Variants in NEAT1 observed in about 807,000 individuals in gnomAD.
NEAT1 encodes the protein MENepsilon/beta.
chr11:65,445,213 AC>A (rs1429219650), exon 1 of NEAT1: 1 of 152,114 alleles, frequency 6.6e-6, no homozygotes, highest in Non-Finnish European at 1.5e-5. Context: ...AAGGGCCAGC[AC>A]CTTCTCACCT....
At chr11:65,431,770 C>T (rs990956466) in exon 1 of NEAT1, 2 of 152,102 alleles carry the variant, frequency 1.3e-5, no homozygotes, top group African/African-American at 4.8e-5. Flanking sequence ...TTAGAGTTAT[C>T]GTTGTTGTTG....
chr11:65,427,955 C>T (rs1856578089), exon 1 of NEAT1: 1 of 152,294 alleles, frequency 6.6e-6, no homozygotes, highest in South Asian at 2.1e-4. Context: ...CTTGTTGATA[C>T]AGGAGCAGAG....
At chr11:65,444,403 C>A (rs1437882851) in exon 1 of NEAT1, 1 of 466,440 alleles carries the variant, frequency 2.1e-6, no homozygotes, top group Non-Finnish European at 4.4e-6. Context: ...CAGCTCTCAC[C>A]CTGGCCTGAC....
At chr11:65,433,592 CTTAAA>C (rs1243659791) in exon 1 of NEAT1, 9 of 152,120 alleles carry the variant, frequency 5.9e-5, no homozygotes, top group African/African-American at 2.2e-4. Flanking sequence ...CTCCTCTCCA[CTTAAA>C]TTAATTATTT....
chr11:65,431,689 A>G (rs1856615130), exon 1 of NEAT1: 1 of 152,138 alleles, frequency 6.6e-6, no homozygotes, highest in African/African-American at 2.4e-5. Flanking sequence ...TCATATGCTT[A>G]CTGGTCATTT....
At chr11:65,433,598 T>G (rs748806271) in exon 1 of NEAT1, 1 of 152,148 alleles carries the variant, frequency 6.6e-6, no homozygotes, top group Non-Finnish European at 1.5e-5. Flanking sequence ...TCCACTTAAA[T>G]TAATTATTTA....
exon 1 of NEAT1, chr11:65,425,600 G>C (rs1454373803): frequency 6.6e-6 from 1 of 152,112 alleles, no homozygotes; most frequent in Non-Finnish European, 1.5e-5. Context: ...GGCTTTTAAC[G>C]TATTTAAGGG....
chr11:65,437,800 A>G (rs910458800), exon 1 of NEAT1: 4 of 152,006 alleles, frequency 2.6e-5, no homozygotes, highest in Admixed American at 6.6e-5. Context: ...ACCCCATCAC[A>G]GAGTACTTTT....
chr11:65,431,551 C>A (rs1456349076), exon 1 of NEAT1: 6 of 152,156 alleles, frequency 3.9e-5, no homozygotes, highest in African/African-American at 1.2e-4. Flanking sequence ...CCGAGGTTCC[C>A]ACATCCTCCC....
chr11:65,445,249 C>T (rs185435093), exon 1 of NEAT1: 7 of 152,418 alleles, frequency 4.6e-5, no homozygotes, highest in African/African-American at 1.7e-4. Flanking sequence ...TGCTCGGTCC[C>T]AGAGCATGCA....
chr11:65,444,340 G>A (rs1856744823), exon 1 of NEAT1: 1 of 436,404 alleles, frequency 2.3e-6, no homozygotes. Flanking sequence ...AGAAGTTGTG[G>A]AGAAATGGGG....
At chr11:65,427,632 A>G (rs1856574713) in exon 1 of NEAT1, 1 of 152,178 alleles carries the variant, frequency 6.6e-6, no homozygotes, top group Non-Finnish European at 1.5e-5. Context: ...TGCTGTGTGC[A>G]GAATCCAGGG....
chr11:65,431,649 C>T (rs558681554), exon 1 of NEAT1: 2 of 152,136 alleles, frequency 1.3e-5, no homozygotes, highest in African/African-American at 4.8e-5. Flanking sequence ...ATTTGCATTT[C>T]CCTAATGAGG....
At chr11:65,443,876 C>G (rs970888903) in exon 1 of NEAT1, 1 of 153,052 alleles carries the variant, frequency 6.5e-6, no homozygotes, top group Admixed American at 6.5e-5. Flanking sequence ...CCCCGCGTAG[C>G]TCGCTTATCC....
At chr11:65,425,639 T>G (rs1292125340) in exon 1 of NEAT1, 1 of 152,194 alleles carries the variant, frequency 6.6e-6, no homozygotes, top group Non-Finnish European at 1.5e-5. Context: ...AGATGGGCTC[T>G]TCTGGATTTG....
exon 1 of NEAT1, chr11:65,426,917 CAT>C (rs2134890846): frequency 6.6e-6 from 1 of 152,282 alleles, no homozygotes; most frequent in African/African-American, 2.4e-5. Flanking sequence ...GAAATGGACA[CAT>C]AATATGCATA....
At chr11:65,439,538 T>C (rs1856694941) in exon 1 of NEAT1, 1 of 151,862 alleles carries the variant, frequency 6.6e-6, no homozygotes, top group South Asian at 2.1e-4. Flanking sequence ...ATACAAAAAT[T>C]AGTCAGGCAT....
exon 1 of NEAT1, chr11:65,433,228 GTTC>G (rs1485451957): frequency 6.6e-6 from 1 of 152,068 alleles, no homozygotes; most frequent in African/African-American, 2.4e-5. Flanking sequence ...AGATCAAATG[GTTC>G]TTAACATTTT....
exon 1 of NEAT1, chr11:65,422,995 AT>A (rs1269651467): frequency 6.6e-6 from 1 of 152,222 alleles, no homozygotes; most frequent in African/African-American, 2.4e-5. Context: ...CATGGAAAAT[AT>A]CCGCAGGGTC....
Sources: gnomAD v4.1 joint callset for allele counts on GRCh38, gnomAD v4.1.1 for gene constraint, MANE v1.5 for transcripts, NCBI Gene and HGNC (gene_info 2026-07-23, HGNC 2026-07-21) for gene names.